Variants in ASCC1 observed in about 807,000 individuals in gnomAD.
ASCC1 encodes activating signal cointegrator 1 complex subunit 1.
ASCC1 carries 35 observed loss-of-function variants against 46.6 expected under a neutral mutation model. The ratio of observed to expected loss-of-function variants is 0.75; its 90% CI spans 0.57 to 0.99. The LOEUF (loss-of-function observed/expected upper bound fraction) is 0.99, where lower values mean the gene tolerates loss of function less well. Among genes scored for constraint, ASCC1 ranks in the 50% least tolerant of loss-of-function variants. ASCC1 has a pLI of 0.00. For missense variants in ASCC1, 376 were observed against 428.7 expected (o/e 0.88, Z 1.09); for synonymous variants, 143 against 146.6 (o/e 0.98, Z 0.18).
intron 7 of ASCC1, among the ~76,000 whole-genome samples, chr10:72,152,187 T>C (rs1366501896): frequency 6.7e-6 from 1 of 148,326 alleles, no homozygotes; most frequent in African/African-American, 2.5e-5. Context: ...TTTTTTTTTG[T>C]TTTTTGTGTT....
chr10:72,123,516 T>C (rs1001655147), intron 9 of ASCC1, among the ~76,000 whole-genome samples: 2 of 152,124 alleles, frequency 1.3e-5, no homozygotes, highest in African/African-American at 2.4e-5. Context: ...TGGGGGAGGC[T>C]GTGCGTGTGC....
chr10:72,113,251 T>C (rs1760023680), intron 9 of ASCC1, among the ~76,000 whole-genome samples: 1 of 152,222 alleles, frequency 6.6e-6, no homozygotes. Context: ...TTTCTTGCTA[T>C]TGTGCTGGCT....
intron 9 of ASCC1, among the ~76,000 whole-genome samples, chr10:72,106,163 G>A (rs1370127154): frequency 6.6e-6 from 1 of 152,048 alleles, no homozygotes; most frequent in African/African-American, 2.4e-5. Context: ...ACTATTTGCT[G>A]TCTCAATACT....
At chr10:72,132,538 T>C (rs926670330) in intron 8 of ASCC1, among the ~76,000 whole-genome samples, 1 of 152,228 alleles carries the variant, frequency 6.6e-6, no homozygotes. Context: ...TGGGGGACCG[T>C]CCCATGCATT....
chr10:72,201,558 C>T (rs908689697), intron 4 of ASCC1, among the ~76,000 whole-genome samples: 2 of 151,680 alleles, frequency 1.3e-5, no homozygotes, highest in East Asian at 1.9e-4. Flanking sequence ...TGGTGCTAAG[C>T]GCCTGTAGTC....
intron 6 of ASCC1, among the ~76,000 whole-genome samples, chr10:72,156,714 G>A (rs1484170932): frequency 1.3e-5 from 2 of 150,978 alleles, no homozygotes; most frequent in East Asian, 3.9e-4. Flanking sequence ...GGAGCTTGCA[G>A]TGAGCAGAGA....
At chr10:72,156,744 C>A (rs1021946328) in intron 6 of ASCC1, among the ~76,000 whole-genome samples, 1 of 150,136 alleles carries the variant, frequency 6.7e-6, no homozygotes, top group African/African-American at 2.5e-5. Flanking sequence ...TGCACTCCAG[C>A]CTGGGCGACA....
intron 5 of ASCC1, among the ~76,000 whole-genome samples, chr10:72,191,355 G>A (rs559718965): frequency 1.3e-5 from 2 of 150,968 alleles, no homozygotes; most frequent in African/African-American, 2.4e-5. Context: ...ATGAGCCACC[G>A]CGCCTGGCTG....
At chr10:72,166,585 A>G (rs1365738526) in intron 5 of ASCC1, among the ~76,000 whole-genome samples, 1 of 152,184 alleles carries the variant, frequency 6.6e-6, no homozygotes. Context: ...AAAAATGGAT[A>G]AAGTGAACTT....
Position 72,161,646 on chromosome 10 carries a change from TG to T in ASCC1, c.517del (p.Gln173ArgfsTer8). The T allele has an allele frequency of 6.2e-7, 1 of 1,614,188 alleles. No individual in the cohort carries two copies. The highest frequency in any genetic ancestry group is 1.1e-5 in the South Asian group (1 of 91,082). On this transcript the variant is annotated frameshift_variant, in exon 6 of 10. Coordinates refer to ENST00000672957, the MANE Select transcript of ASCC1 (RefSeq NM_001198800.3). LOFTEE classifies it high-confidence loss of function. ...MDHGVDSSIF[Q>X]NPKKLHLTIG... The stretch of plus-strand genomic sequence containing the variant: ...AGTTAGATGAAGCTTTTTAGGATTC[TG>T]GAAAATGCTGCTGTCAACCCCATGA...
At chr10:72,137,466 C>T (rs11819058) in intron 7 of ASCC1, among the ~76,000 whole-genome samples, 18,848 of 144,670 alleles carry the variant, frequency 0.13, 3,821 homozygotes, top group African/African-American at 0.44. Flanking sequence ...AGGCGGAGGT[C>T]GCAGTGAGCC....
chr10:72,138,858 G>A (rs1846604149), intron 7 of ASCC1, among the ~76,000 whole-genome samples: 1 of 151,160 alleles, frequency 6.6e-6, no homozygotes, highest in Admixed American at 6.6e-5. Flanking sequence ...GAGCCACCGC[G>A]CTCGGCTTGT....
chr10:72,204,562 A>G (rs1856939468), intron 3 of ASCC1: 1 of 1,538,004 alleles, frequency 6.5e-7, no homozygotes, highest in South Asian at 1.2e-5. Flanking sequence ...AGGCCATCAC[A>G]GGGCTATCAA....
At chr10:72,181,376 C>CA (rs1564709628) in intron 5 of ASCC1, among the ~76,000 whole-genome samples, 1 of 152,090 alleles carries the variant, frequency 6.6e-6, no homozygotes, top group Non-Finnish European at 1.5e-5. Context: ...CTTGGACTAA[C>CA]AGACAAGTTA....
intron 9 of ASCC1, among the ~76,000 whole-genome samples, chr10:72,099,356 T>C (rs1195532176): frequency 6.6e-6 from 1 of 152,136 alleles, no homozygotes; most frequent in Non-Finnish European, 1.5e-5. Context: ...TTGAGAGAGA[T>C]AACTAAACAT....
intron 5 of ASCC1, among the ~76,000 whole-genome samples, chr10:72,176,200 A>G (rs912013794): frequency 5.9e-5 from 9 of 152,180 alleles, no homozygotes; most frequent in Non-Finnish European, 8.8e-5. Flanking sequence ...TCTTCTTTCA[A>G]TAGACAGTAT....
chr10:72,125,247 AT>A (rs200123543), intron 9 of ASCC1, among the ~76,000 whole-genome samples: 6 of 150,390 alleles, frequency 4.0e-5, no homozygotes, highest in Non-Finnish European at 8.9e-5. Flanking sequence ...GATGAAGTTG[AT>A]TTTTTTTTTC....
intron 7 of ASCC1, among the ~76,000 whole-genome samples, chr10:72,143,820 AG>A (rs990502656): frequency 4.0e-5 from 6 of 151,386 alleles, no homozygotes; most frequent in African/African-American, 1.5e-4. Context: ...CCTATGATGA[AG>A]GGTTTCTCAG....
chr10:72,179,999 G>A (rs1263762339), intron 5 of ASCC1, among the ~76,000 whole-genome samples: 8 of 152,270 alleles, frequency 5.3e-5, no homozygotes, highest in South Asian at 2.1e-4. Flanking sequence ...AGAACCGGCC[G>A]GGTACGGTGG....
Sources: allele counts gnomAD v4.1 joint callset (sites outside exome capture counted in the v4.1 genomes callset), GRCh38; gene constraint gnomAD v4.1.1; transcripts MANE v1.5; gene names NCBI Gene and HGNC (gene_info 2026-07-23, HGNC 2026-07-21).